The following HPSE2 variants were observed in gnomAD, a reference collection of about 807,000 sequenced individuals.
HPSE2 encodes the protein heparanase 2 (inactive).
HPSE2 carries 38 observed loss-of-function variants against 60.5 expected under a neutral mutation model. The observed-to-expected ratio is 0.63, with a 90% CI of 0.48 to 0.82. The LOEUF is 0.82. Among genes scored for constraint, HPSE2 ranks in the 40% least tolerant of loss-of-function variants. The pLI is 0.00. For synonymous variants in HPSE2, 295 were observed against 293.2 expected, an observed-to-expected ratio of 1.01 and a Z score of -0.06; for missense variants, 713 against 740.4, an observed-to-expected ratio of 0.96 and a Z score of 0.43.
intron 9 of HPSE2, among the ~76,000 whole-genome samples, chr10:98,605,489 G>A (rs972974575): frequency 2.0e-5 from 3 of 152,078 alleles, no homozygotes; most frequent in Non-Finnish European, 2.9e-5. Context: ...ACTAAAAAAC[G>A]GAATAGTATA....
chr10:99,185,918 G>GA (rs980135158), intron 2 of HPSE2, among the ~76,000 whole-genome samples: 3 of 151,766 alleles, frequency 2.0e-5, no homozygotes, highest in South Asian at 2.1e-4. Flanking sequence ...AAAAAAGAGT[G>GA]AAAAAAACGG....
At chr10:98,537,613 C>A (rs1208549245) in intron 9 of HPSE2, among the ~76,000 whole-genome samples, 1 of 152,172 alleles carries the variant, frequency 6.6e-6, no homozygotes, top group Non-Finnish European at 1.5e-5. Context: ...TAGAAGGCAA[C>A]AGGTGAGCCT....
intron 2 of HPSE2, among the ~76,000 whole-genome samples, chr10:99,201,805 C>G (rs1848583714): frequency 2.0e-5 from 3 of 152,150 alleles, no homozygotes; most frequent in Admixed American, 2.0e-4. Context: ...TATATTCCTT[C>G]ATTTCCAAGA....
chr10:99,103,599 C>T (rs1229933898), intron 3 of HPSE2, among the ~76,000 whole-genome samples: 2 of 152,130 alleles, frequency 1.3e-5, no homozygotes, highest in African/African-American at 4.8e-5. Flanking sequence ...CATCAAGCTA[C>T]CAATGACTTT....
intron 9 of HPSE2, among the ~76,000 whole-genome samples, chr10:98,537,135 T>C (rs1331125633): frequency 6.6e-6 from 1 of 152,190 alleles, no homozygotes; most frequent in East Asian, 1.9e-4. Context: ...AGTTTCTAAC[T>C]CAGGCAATTG....
chr10:98,983,900 A>T (rs956841164), intron 3 of HPSE2, among the ~76,000 whole-genome samples: 1 of 152,168 alleles, frequency 6.6e-6, no homozygotes, highest in African/African-American at 2.4e-5. Context: ...CATTGCTAGC[A>T]CAGCAGTCTG....
intron 3 of HPSE2, among the ~76,000 whole-genome samples, chr10:98,996,350 T>C (rs1179492185): frequency 6.6e-6 from 1 of 152,066 alleles, no homozygotes; most frequent in East Asian, 1.9e-4. Flanking sequence ...TTAATGTTGG[T>C]GGGGATATGG....
intron 3 of HPSE2, among the ~76,000 whole-genome samples, chr10:98,915,738 A>G (rs1954102617): frequency 6.6e-6 from 1 of 152,212 alleles, no homozygotes; most frequent in East Asian, 1.9e-4. Flanking sequence ...GAATGAGAAG[A>G]AAAATAAAGA....
chr10:98,950,518 T>C (rs1955325434), intron 3 of HPSE2, among the ~76,000 whole-genome samples: 1 of 152,210 alleles, frequency 6.6e-6, no homozygotes, highest in South Asian at 2.1e-4. Flanking sequence ...TGCTATCCTT[T>C]TTGAAAAAAT....
chr10:98,805,544 A>G (rs1953636), intron 3 of HPSE2, among the ~76,000 whole-genome samples: 110,882 of 151,902 alleles, frequency 0.73, 41,658 homozygotes, highest in Non-Finnish European at 0.83. Context: ...TACACCTACT[A>G]TGTATCCACA....
intron 9 of HPSE2, among the ~76,000 whole-genome samples, chr10:98,580,122 A>G (rs79096617): frequency 0.026 from 3,969 of 152,300 alleles, 159 homozygotes; most frequent in African/African-American, 0.089. Flanking sequence ...GAGAAAGTTG[A>G]TGCCAATCTT....
At chr10:98,967,872 G>A (rs1955852200) in intron 3 of HPSE2, among the ~76,000 whole-genome samples, 1 of 111,552 alleles carries the variant, frequency 9.0e-6, no homozygotes, top group Admixed American at 9.1e-5. Context: ...GAGGCTACAA[G>A]CAAAAGGAGA....
At position 98,695,413 on chromosome 10, in the gene HPSE2, C is replaced by T. The variant is rs180882217; in HGVS notation, c.957-1466G>A. Among the ~76,000 whole-genome samples, 15 of 152,224 alleles carry T rather than the reference C, an allele frequency of 9.9e-5. No individual in the cohort carries two copies. The East Asian group carries it at 2.5e-3, about 25-fold the overall frequency. ...GTAGAAAATGACACATGGGAATGAT[C>T]GAGGAATAGAACTGGTTTGATGGGC... On this transcript the variant is annotated intron_variant, in intron 5 of 11. Transcript: ENST00000370552.
At chr10:98,501,089 C>T (rs147733828) in intron 9 of HPSE2, among the ~76,000 whole-genome samples, 279 of 151,930 alleles carry the variant, frequency 1.8e-3, no homozygotes, top group African/African-American at 5.6e-3. Context: ...CAAGACTACA[C>T]GGATTCACAG....
chr10:99,053,361 A>T (rs372990474), intron 3 of HPSE2, among the ~76,000 whole-genome samples: 1 of 152,118 alleles, frequency 6.6e-6, no homozygotes, highest in African/African-American at 2.4e-5. Context: ...CAACCACTAA[A>T]AAACAGTACA....
intron 5 of HPSE2, among the ~76,000 whole-genome samples, chr10:98,712,111 A>C (rs939828979): frequency 6.6e-6 from 1 of 152,054 alleles, no homozygotes; most frequent in African/African-American, 2.4e-5. Flanking sequence ...GTGAGGAAGA[A>C]TATTTCTCAA....
chr10:98,696,361 A>G (rs1470543092), intron 5 of HPSE2, among the ~76,000 whole-genome samples: 3 of 150,450 alleles, frequency 2.0e-5, no homozygotes, highest in Non-Finnish European at 4.4e-5. Flanking sequence ...CAAGGTATTC[A>G]GTTTCTGTCA....
chr10:98,546,834 C>G (rs1238617258), intron 9 of HPSE2, among the ~76,000 whole-genome samples: 1 of 150,600 alleles, frequency 6.6e-6, no homozygotes, highest in Admixed American at 6.6e-5. Flanking sequence ...AGCTTCTGCA[C>G]AGCAAAAGAA....
In HPSE2 at chr10:98,555,154, T is replaced by C. The variant is rs149074523; in HGVS notation, c.1320+59750A>G. Among the ~76,000 whole-genome samples the C allele has an allele frequency of 4.4e-3, 674 of 152,342 alleles. 7 individuals are homozygous for C. The highest frequency in any genetic ancestry group is 0.015 in the African/African-American group (634 of 41,572). ...ATGTTCCTTTCAGCTCTAAGGACTT[T>C]AAAATCTTCTCTGGGGAAGTTATGC... is the stretch of plus-strand genomic sequence containing the variant. On this transcript the variant is annotated intron_variant, in intron 9 of 11. Transcript: ENST00000370552.
Sources: gnomAD v4.1 joint callset for allele counts (sites outside exome capture counted in the v4.1 genomes callset) on GRCh38, gnomAD v4.1.1 for gene constraint, MANE v1.5 for transcripts, NCBI Gene and HGNC (gene_info 2026-07-23, HGNC 2026-07-21) for gene names.